Variants in ABCC4 observed in about 807,000 individuals in gnomAD.
ABCC4 encodes the protein ATP binding cassette subfamily C member 4 (PEL blood group), also known as ATP-binding cassette sub-family C member 4.
A neutral mutation model predicts 168.5 loss-of-function variants in ABCC4; 102 were observed. The ratio of observed to expected loss-of-function variants is 0.61; its 90% CI spans 0.52 to 0.71. The LOEUF is 0.71. ABCC4 is among the 30% of genes least tolerant of loss of function. The pLI is 0.00. For synonymous variants in ABCC4, 617 were observed against 590.7 expected, an observed-to-expected ratio of 1.04 and a Z score of -0.65; for missense variants, 1,402 against 1,605.8, an observed-to-expected ratio of 0.87 and a Z score of 2.17.
Position 95,034,724 on chromosome 13 carries a change from T to C in ABCC4, c.3751A>G (p.Arg1251Gly). 6.2e-7 allele frequency: 1 copy of C among 1,614,208 alleles called. No homozygotes were observed. Among genetic ancestry groups the C allele is most frequent in the Non-Finnish European group, 8.5e-7 (1 of 1,180,044 alleles). The change falls in exon 30 of 31, where the codon AGA becomes GGA. Residue 1251 changes from arginine to glycine, a missense_variant. Transcript: ENST00000645237. Reference sequence around the variant, plus strand: ...TACGGCTCATCATATTCTTTCAGTCTTCCTGAATCTAAAACCTGTTAATCA... The same window carrying C: ...TACGGCTCATCATATTCTTTCAGTCCTCCTGAATCTAAAACCTGTTAATCA... ...SDKIMVLDSG[R>G]LKEYDEPYVL... is the part of the protein sequence containing the mutation.
intron 1 of ABCC4, among the ~76,000 whole-genome samples, chr13:95,260,524 G>T (rs2040504797): frequency 6.6e-6 from 1 of 152,110 alleles, no homozygotes; most frequent in Non-Finnish European, 1.5e-5. Flanking sequence ...CTGGGAAGTT[G>T]GAGAGGGTTT....
intron 11 of ABCC4, among the ~76,000 whole-genome samples, chr13:95,181,403 T>C (rs1160940652): frequency 6.6e-6 from 1 of 152,256 alleles, no homozygotes; most frequent in Non-Finnish European, 1.5e-5. Context: ...TGTCATAGCT[T>C]ATCAACATCC....
At chr13:95,074,410 T>C (rs1021072478) in intron 22 of ABCC4, 86 bp from the exon 23 acceptor site, 4 of 1,082,242 alleles carry the variant, frequency 3.7e-6, no homozygotes, top group South Asian at 1.6e-5. Context: ...AGAAGATTTT[T>C]ACGTGGAGTA....
rs148223655 is a variant in ABCC4, at chr13:95,210,866, C to T, written c.532-85G>A. ...GGACACAGCAGACCTGAGGAAGTCT[C>T]GTGTGATGTCAAGACCAGATCTAAG... On this transcript the variant is annotated intron_variant, in intron 4 of 30. Coordinates refer to ENST00000645237, the MANE Select transcript of ABCC4 (RefSeq NM_005845.5). 5.8e-5 allele frequency: 57 copies of T among 983,736 alleles called. No individual in the cohort carries two copies. The African/African-American group carries it at 7.9e-4, about 14-fold the overall frequency. 60.9% of individuals were successfully genotyped at this position (983,736 alleles called of 1,614,324 possible).
intron 13 of ABCC4, among the ~76,000 whole-genome samples, chr13:95,172,732 G>C (rs150812853): frequency 2.0e-5 from 3 of 151,932 alleles, no homozygotes; most frequent in African/African-American, 4.8e-5. Flanking sequence ...GGAGTTAAAG[G>C]CCAGTCTGGG....
At chr13:95,296,068 G>A (rs1429525876) in intron 1 of ABCC4, among the ~76,000 whole-genome samples, 1 of 151,400 alleles carries the variant, frequency 6.6e-6, no homozygotes, top group Admixed American at 6.6e-5. Flanking sequence ...AGGAATTTGA[G>A]GCTACAATGA....
In ABCC4 at chr13:95,218,860, A is replaced by AAAAGAAAAGAAAAG. The variant is rs1566539096; in HGVS notation, c.532-8080_532-8079insCTTTTCTTTTCTTT. On this transcript the variant is annotated intron_variant, in intron 4 of 30. Coordinates refer to ENST00000645237, the MANE Select transcript of ABCC4 (RefSeq NM_005845.5). Reference sequence around the variant, plus strand: ...AGCAAAACCAAGAAAGAAAAGAAAAAAAAAGAAAAGAAAAGAAAAGAGACA... The same window carrying AAAAGAAAAGAAAAG: ...AGCAAAACCAAGAAAGAAAAGAAAAAAAAGAAAAGAAAAGAAAAGAAAAGAAAAGAAAAGAGACA... Among the ~76,000 whole-genome samples the AAAAGAAAAGAAAAG allele has an allele frequency of 8.2e-3, 1,211 of 146,936 alleles. 39 individuals are homozygous for AAAAGAAAAGAAAAG. Among genetic ancestry groups the AAAAGAAAAGAAAAG allele is most frequent in the African/African-American group, 0.03 (1,141 of 37,824 alleles).
intron 20 of ABCC4, among the ~76,000 whole-genome samples, chr13:95,109,391 A>AACACACACACACACACAC (rs61165942): frequency 6.7e-6 from 1 of 150,342 alleles, no homozygotes; most frequent in African/African-American, 2.4e-5. Context: ...CAGGTGTGCA[A>AACACACACACACACACAC]ACACACACAC....
chr13:95,131,674 G>T lies in ABCC4; in HGVS notation c.2456-15673C>A, dbSNP rs999917281. The stretch of plus-strand genomic sequence containing the variant: ...AAAGAGTTGCCCAAAGATGTCAGGC[G>T]ACCTGGCACTCCCCACAATTAACAA... On this transcript the variant is annotated intron_variant, in intron 19 of 30. Transcript: ENST00000645237. Among the ~76,000 whole-genome samples, 3 of 151,970 alleles carry T rather than the reference G, an allele frequency of 2.0e-5. No homozygotes were observed. The South Asian group carries it at 6.2e-4, about 32-fold the overall frequency.
intron 1 of ABCC4, chr13:95,269,434 A>AT (rs1555339626): frequency 1.7e-5 from 2 of 119,142 alleles, no homozygotes; most frequent in African/African-American, 5.5e-5. Flanking sequence ...TCAAAAAAAA[A>AT]ATATATATAT....
chr13:95,122,081 C>T (rs2035589988), intron 19 of ABCC4, among the ~76,000 whole-genome samples: 1 of 152,218 alleles, frequency 6.6e-6, no homozygotes, highest in African/African-American at 2.4e-5. Flanking sequence ...AAACCCCACT[C>T]TTCAGGGCAA....
intron 19 of ABCC4, among the ~76,000 whole-genome samples, chr13:95,156,790 G>A (rs779573363): frequency 1.3e-5 from 2 of 152,046 alleles, no homozygotes; most frequent in Admixed American, 6.6e-5. Flanking sequence ...ATAAAAAGAC[G>A]AGAAAGGAAA....
intron 30 of ABCC4, among the ~76,000 whole-genome samples, chr13:95,034,213 C>T (rs539600982): frequency 6.6e-6 from 1 of 152,166 alleles, no homozygotes; most frequent in Non-Finnish European, 1.5e-5. Context: ...CTGTATGTAC[C>T]TCAACAGCAT....
At chr13:95,271,690 C>T (rs770168520) in intron 1 of ABCC4, among the ~76,000 whole-genome samples, 3 of 152,146 alleles carry the variant, frequency 2.0e-5, no homozygotes, top group Admixed American at 6.5e-5. Flanking sequence ...TTCTTGGTTC[C>T]TTAGCTTTAT....
chr13:95,192,747 T>C (rs1319904257), intron 9 of ABCC4, among the ~76,000 whole-genome samples: 1 of 152,134 alleles, frequency 6.6e-6, no homozygotes, highest in East Asian at 1.9e-4. Flanking sequence ...GGAGAAACCC[T>C]GTCTCTACTA....
chr13:95,037,130 T>C (rs2032159657), intron 29 of ABCC4, among the ~76,000 whole-genome samples: 1 of 130,338 alleles, frequency 7.7e-6, no homozygotes, highest in Non-Finnish European at 1.7e-5. Context: ...ACCCCCCAAA[T>C]ATAGTATCTT....
chr13:95,106,547 T>TA (rs1455125831), intron 20 of ABCC4, among the ~76,000 whole-genome samples: 1 of 148,374 alleles, frequency 6.7e-6, no homozygotes, highest in Admixed American at 6.7e-5. Flanking sequence ...GAAAAAAAAA[T>TA]AAAAAAAAGA....
intron 26 of ABCC4, among the ~76,000 whole-genome samples, chr13:95,055,411 C>T (rs571653149): frequency 5.3e-5 from 8 of 152,210 alleles, no homozygotes; most frequent in East Asian, 3.9e-4. Context: ...TCATTTAGTA[C>T]GAGTTTTAAC....
intron 3 of ABCC4, among the ~76,000 whole-genome samples, chr13:95,245,957 C>G: frequency 6.8e-6 from 1 of 146,264 alleles, no homozygotes; most frequent in Non-Finnish European, 1.5e-5. Flanking sequence ...TTTGTAACAA[C>G]AGCAACATCC....
Sources: allele counts gnomAD v4.1 joint callset (sites outside exome capture counted in the v4.1 genomes callset), GRCh38; gene constraint gnomAD v4.1.1; transcripts MANE v1.5; gene names NCBI Gene and HGNC (gene_info 2026-07-23, HGNC 2026-07-21).